Variants in RGS6 observed in about 807,000 individuals in gnomAD.
The protein encoded by RGS6 is regulator of G protein signaling 6, also known as regulator of G-protein signaling 6.
RGS6 carries 30 observed loss-of-function variants against 78.5 expected under a neutral mutation model. The observed-to-expected ratio is 0.38, with a 90% CI of 0.29 to 0.52. The LOEUF (loss-of-function observed/expected upper bound fraction) is 0.52, where lower values mean the gene tolerates loss of function less well. Ranked by LOEUF, RGS6 falls within the 20% of genes least tolerant of loss-of-function variation. RGS6 has a pLI of 0.85. For synonymous variants in RGS6, 206 were observed against 206.0 expected (o/e 1.00, Z 0.00); for missense variants, 495 against 609.7 (o/e 0.81, Z 1.98).
chr14:72,302,839 G>A (rs541881466), intron 2 of RGS6, among the ~76,000 whole-genome samples: 1 of 152,320 alleles, frequency 6.6e-6, no homozygotes, highest in Non-Finnish European at 1.5e-5. Context: ...ACATGTGGTG[G>A]GAGGGACCCA....
rs10571406 is a variant in RGS6, at chr14:71,967,189, G to GTATATATA, written c.84+2328_84+2335dup. ...TTCGTGTGACAAACTTGTGTAAAGA[G>GTATATATA]TATATATATATATATATATATGTTC... On this transcript the variant is annotated intron_variant, in intron 2 of 17. Transcript: ENST00000553525. Among the ~76,000 whole-genome samples, 852 of 145,826 alleles carry GTATATATA rather than the reference G, an allele frequency of 5.8e-3. 14 individuals carry two copies. Among genetic ancestry groups the GTATATATA allele is most frequent in the African/African-American group, 0.016 (625 of 38,856 alleles).
At chr14:72,333,487 C>T (rs765492440) in intron 2 of RGS6, among the ~76,000 whole-genome samples, 11 of 152,206 alleles carry the variant, frequency 7.2e-5, no homozygotes, top group Non-Finnish European at 1.2e-4. Flanking sequence ...CTCAGAACTC[C>T]AGGCAGCTCT....
intron 2 of RGS6, among the ~76,000 whole-genome samples, chr14:72,175,490 A>G (rs2097093004): frequency 6.6e-6 from 1 of 152,160 alleles, no homozygotes; most frequent in Non-Finnish European, 1.5e-5. Flanking sequence ...AGTGCATGTT[A>G]TGTTCTAGGC....
chr14:72,113,129 TAGAC>T lies in RGS6; in HGVS notation c.84+148257_84+148260del, dbSNP rs200908007. Reference sequence around the variant, plus strand: ...GCACACACACACCCCACTTCATGCTTAGACAGTGATAAAGTGAGTAGCTGGGGCA... The same window carrying T: ...GCACACACACACCCCACTTCATGCTTAGTGATAAAGTGAGTAGCTGGGGCA... On this transcript the variant is annotated intron_variant, in intron 2 of 17. Coordinates refer to ENST00000553525, the MANE Select transcript of RGS6 (RefSeq NM_001204424.2). Among the ~76,000 whole-genome samples, 1,299 of 152,208 alleles carry T rather than the reference TAGAC, an allele frequency of 8.5e-3. 6 individuals carry two copies. Among genetic ancestry groups the T allele is most frequent in the Non-Finnish European group, 0.013 (868 of 68,006 alleles).
intron 2 of RGS6, among the ~76,000 whole-genome samples, chr14:72,342,140 G>A (rs2239238): frequency 0.47 from 70,946 of 152,072 alleles, 16,905 homozygotes; most frequent in South Asian, 0.6. Flanking sequence ...GCCACATGGT[G>A]TTCCATGTAC....
intron 8 of RGS6, 152 bp from the exon 9 acceptor site, chr14:72,472,720 T>C (rs951536820): frequency 1.8e-6 from 1 of 543,926 alleles, no homozygotes; most frequent in Non-Finnish European, 3.3e-6. Context: ...TACACCCCTA[T>C]TTCACAGCTC....
At chr14:72,568,663 A>G (rs1567152283), downstream of RGS6, among the ~76,000 whole-genome samples, 1 of 152,238 alleles carries the variant, frequency 6.6e-6, no homozygotes, top group Non-Finnish European at 1.5e-5. Context: ...CCCCACATGG[A>G]AAATGGAAAC....
intron 13 of RGS6, among the ~76,000 whole-genome samples, chr14:72,504,736 C>T (rs2096774513): frequency 6.6e-6 from 1 of 150,550 alleles, no homozygotes; most frequent in Non-Finnish European, 1.5e-5. Flanking sequence ...CCTCCTCTCC[C>T]CTTCCCTCTC....
intron 2 of RGS6, among the ~76,000 whole-genome samples, chr14:72,017,501 A>G (rs2087297057): frequency 6.6e-6 from 1 of 152,202 alleles, no homozygotes; most frequent in Non-Finnish European, 1.5e-5. Flanking sequence ...AAACACAGCC[A>G]CATCCATGTT....
chr14:72,236,371 T>C (rs1023909942), intron 2 of RGS6, among the ~76,000 whole-genome samples: 18 of 152,210 alleles, frequency 1.2e-4, no homozygotes, highest in Non-Finnish European at 2.6e-4. Context: ...GCATGCTTAT[T>C]ATTAACTCGA....
At chr14:72,318,577 G>A (rs1310761281) in intron 2 of RGS6, among the ~76,000 whole-genome samples, 12 of 152,136 alleles carry the variant, frequency 7.9e-5, no homozygotes, top group African/African-American at 1.4e-4. Context: ...AATATATGAC[G>A]TAAGGCTGGC....
intron 2 of RGS6, among the ~76,000 whole-genome samples, chr14:71,998,915 A>C (rs567801076): frequency 6.6e-6 from 1 of 152,310 alleles, no homozygotes; most frequent in South Asian, 2.1e-4. Flanking sequence ...GAGTGAGCAT[A>C]TTGTGTTCCA....
At chr14:72,382,605 C>T (rs2086476172) in intron 3 of RGS6, among the ~76,000 whole-genome samples, 1 of 152,106 alleles carries the variant, frequency 6.6e-6, no homozygotes, top group African/African-American at 2.4e-5. Context: ...ATATTATAGA[C>T]TAGAGAAACA....
At chr14:71,971,910 T>G (rs1346729089) in intron 2 of RGS6, among the ~76,000 whole-genome samples, 1 of 12,252 alleles carries the variant, frequency 8.2e-5, no homozygotes, top group African/African-American at 7.4e-4. Flanking sequence ...TGGCAGGTTT[T>G]TTTTTTTTTT....
chr14:72,167,959 TG>T (rs145055984), intron 2 of RGS6, among the ~76,000 whole-genome samples: 1 of 152,064 alleles, frequency 6.6e-6, no homozygotes, highest in Non-Finnish European at 1.5e-5. Context: ...TGCTGAATAG[TG>T]GGGAGGTCTC....
intron 17 of RGS6, among the ~76,000 whole-genome samples, chr14:72,559,992 GT>G (rs1236593843): frequency 3.3e-5 from 5 of 152,102 alleles, no homozygotes; most frequent in Non-Finnish European, 4.4e-5. Context: ...AAATAACCTT[GT>G]TAATAGGAAT....
intron 2 of RGS6, among the ~76,000 whole-genome samples, chr14:71,997,701 G>A (rs1254925537): frequency 6.6e-6 from 1 of 152,184 alleles, no homozygotes; most frequent in Non-Finnish European, 1.5e-5. Context: ...TGCTGAGTCA[G>A]AGGCCTGGGG....
At chr14:72,186,220 AG>A (rs1259840267) in intron 2 of RGS6, among the ~76,000 whole-genome samples, 1 of 152,200 alleles carries the variant, frequency 6.6e-6, no homozygotes, top group Non-Finnish European at 1.5e-5. Flanking sequence ...CACTAAACTG[AG>A]TCCATGAATC....
intron 3 of RGS6, among the ~76,000 whole-genome samples, chr14:72,418,892 C>T (rs919042528): frequency 6.6e-6 from 1 of 152,204 alleles, no homozygotes; most frequent in Non-Finnish European, 1.5e-5. Flanking sequence ...AGGACACACA[C>T]CATATCAAAT....
Sources: gnomAD v4.1 joint callset for allele counts (sites outside exome capture counted in the v4.1 genomes callset) on GRCh38, gnomAD v4.1.1 for gene constraint, MANE v1.5 for transcripts, NCBI Gene and HGNC (gene_info 2026-07-23, HGNC 2026-07-21) for gene names.